The following TRPM3 variants were observed in gnomAD, a reference collection of about 807,000 sequenced individuals.
TRPM3 encodes long transient receptor potential channel 3.
TRPM3 carries 77 observed loss-of-function variants against 181.2 expected under a neutral mutation model. The observed-to-expected ratio is 0.42, with a 90% CI of 0.35 to 0.51. TRPM3 has a LOEUF of 0.51. Among genes scored for constraint, TRPM3 ranks in the 20% least tolerant of loss-of-function variants. TRPM3 has a pLI of 0.01. For missense variants in TRPM3, 1,759 were observed against 2,196.7 expected (o/e 0.80, Z 3.98); for synonymous variants, 745 against 796.4 (o/e 0.94, Z 1.09).
intron 1 of TRPM3, among the ~76,000 whole-genome samples, chr9:71,012,865 T>C (rs1179882680): frequency 6.6e-6 from 1 of 152,154 alleles, no homozygotes; most frequent in Non-Finnish European, 1.5e-5. Context: ...TCCAGATTTC[T>C]TTAGTACATT....
chr9:71,414,369 A>T (rs953053216), intron 1 of TRPM3, among the ~76,000 whole-genome samples: 2 of 152,134 alleles, frequency 1.3e-5, no homozygotes, highest in Non-Finnish European at 2.9e-5. Context: ...CAGACTTTAT[A>T]TCACCACTCT....
chr9:71,353,010 C>G (rs947337378), intron 1 of TRPM3, among the ~76,000 whole-genome samples: 1 of 152,146 alleles, frequency 6.6e-6, no homozygotes, highest in Non-Finnish European at 1.5e-5. Context: ...CCATCCCACA[C>G]CAACCAAATC....
chr9:70,847,573 G>A (rs1164218844), intron 3 of TRPM3, among the ~76,000 whole-genome samples: 1 of 152,134 alleles, frequency 6.6e-6, no homozygotes, highest in Non-Finnish European at 1.5e-5. Flanking sequence ...GGGGGGAATT[G>A]AATGATTTTA....
intron 1 of TRPM3, among the ~76,000 whole-genome samples, chr9:71,194,911 T>C (rs911335684): frequency 1.3e-5 from 2 of 151,894 alleles, no homozygotes; most frequent in African/African-American, 4.8e-5. Context: ...ACACCAAGAA[T>C]AATCACTTTG....
chr9:70,980,861 C>T (rs953284528), intron 1 of TRPM3, among the ~76,000 whole-genome samples: 3 of 152,176 alleles, frequency 2.0e-5, no homozygotes, highest in Non-Finnish European at 4.4e-5. Context: ...TATAGACAGG[C>T]ATACTGTTAT....
At chr9:71,059,239 C>G (rs1408031461) in intron 1 of TRPM3, among the ~76,000 whole-genome samples, 1 of 151,840 alleles carries the variant, frequency 6.6e-6, no homozygotes, top group Admixed American at 6.6e-5. Context: ...CGGGATTTCC[C>G]TTGTTGCCAG....
intron 1 of TRPM3, among the ~76,000 whole-genome samples, chr9:71,196,012 T>C (rs1326785909): frequency 2.0e-5 from 3 of 151,902 alleles, no homozygotes; most frequent in South Asian, 2.1e-4. Flanking sequence ...AAAATAAGTA[T>C]TGGGTACTAC....
At chr9:71,070,274 A>C (rs976548686) in intron 1 of TRPM3, among the ~76,000 whole-genome samples, 3 of 152,232 alleles carry the variant, frequency 2.0e-5, no homozygotes, top group Non-Finnish European at 4.4e-5. Flanking sequence ...GGGTTTCTGC[A>C]TCGATTGTTA....
At chr9:71,047,200 C>T (rs115639103) in intron 1 of TRPM3, among the ~76,000 whole-genome samples, 187 of 152,198 alleles carry the variant, frequency 1.2e-3, no homozygotes, top group African/African-American at 4.3e-3. Context: ...GAAAGGAGTT[C>T]ACATGTGAAT....
Position 70,875,386 on chromosome 9 carries a change from T to A in TRPM3, c.178-10875A>T, listed in dbSNP as rs114596645. ...TTATAAATTCATGCAATCATTTCTT[T>A]TATAAGTAAACAAACAAAAATGTAG... On this transcript the variant is annotated intron_variant, in intron 1 of 25. Coordinates refer to ENST00000677713, the MANE Select transcript of TRPM3 (RefSeq NM_001366145.2). Among the ~76,000 whole-genome samples the A allele has an allele frequency of 3.6e-3, 545 of 152,096 alleles. 4 individuals are homozygous for A. The highest frequency in any genetic ancestry group is 0.012 in the African/African-American group (506 of 41,520).
At chr9:70,563,451 C>G (rs527658152) in intron 22 of TRPM3, among the ~76,000 whole-genome samples, 12 of 152,336 alleles carry the variant, frequency 7.9e-5, no homozygotes, top group African/African-American at 2.6e-4. Context: ...CTACGTCCTT[C>G]AGGCTGACAA....
chr9:70,869,872 G>C (rs2095751944), intron 1 of TRPM3, among the ~76,000 whole-genome samples: 1 of 151,928 alleles, frequency 6.6e-6, no homozygotes, highest in Non-Finnish European at 1.5e-5. Context: ...ACATAGAAAG[G>C]GCTCTTTCAT....
intron 8 of TRPM3, among the ~76,000 whole-genome samples, chr9:70,686,690 C>CTTCTTTCCTTCCTTCCTTCCTTCCTTCT (rs1563994365): frequency 9.9e-5 from 4 of 40,476 alleles, no homozygotes; most frequent in African/African-American, 3.8e-4. Context: ...TCCTTCTTTC[C>CTTCTTTCCTTCCTTCCTTCCTTCCTTCT]TTCCTTCCTT....
chr9:71,266,275 T>G (rs2083386224), intron 1 of TRPM3, among the ~76,000 whole-genome samples: 1 of 152,154 alleles, frequency 6.6e-6, no homozygotes, highest in Non-Finnish European at 1.5e-5. Context: ...GAATAATTCC[T>G]TTGAAAATAT....
At chr9:71,128,104 TAC>T (rs2074157564) in intron 1 of TRPM3, among the ~76,000 whole-genome samples, 1 of 152,332 alleles carries the variant, frequency 6.6e-6, no homozygotes, top group Non-Finnish European at 1.5e-5. Flanking sequence ...GAGAAGAAGC[TAC>T]AGAGAACACA....
At chr9:71,333,567 G>A (rs1325277205) in intron 1 of TRPM3, among the ~76,000 whole-genome samples, 1 of 151,952 alleles carries the variant, frequency 6.6e-6, no homozygotes, top group Non-Finnish European at 1.5e-5. Context: ...AGAAAGAACT[G>A]AGGAAGACCT....
At chr9:71,274,902 C>G (rs943812000) in intron 1 of TRPM3, among the ~76,000 whole-genome samples, 1 of 152,082 alleles carries the variant, frequency 6.6e-6, no homozygotes, top group African/African-American at 2.4e-5. Flanking sequence ...GATATTAAGG[C>G]CTAGGTCAGA....
intron 1 of TRPM3, among the ~76,000 whole-genome samples, chr9:71,169,206 T>C (rs1038840416): frequency 1.3e-5 from 2 of 152,188 alleles, no homozygotes; most frequent in African/African-American, 4.8e-5. Flanking sequence ...CCAATCTTCA[T>C]ATGTTGACTA....
intron 9 of TRPM3, among the ~76,000 whole-genome samples, chr9:70,651,714 T>C (rs1047447485): frequency 9.2e-5 from 14 of 152,348 alleles, no homozygotes; most frequent in Admixed American, 1.3e-4. Flanking sequence ...ACAAACATTT[T>C]GGAATATAGT....
Sources: gnomAD v4.1 joint callset for allele counts (sites outside exome capture counted in the v4.1 genomes callset) on GRCh38, gnomAD v4.1.1 for gene constraint, MANE v1.5 for transcripts, NCBI Gene and HGNC (gene_info 2026-07-23, HGNC 2026-07-21) for gene names.